The following SYBU variants were observed in gnomAD, a reference collection of about 807,000 sequenced individuals.
The protein encoded by SYBU is syntabulin, also known as GOLSYN A protein.
A neutral mutation model predicts 35.9 loss-of-function variants in SYBU; 21 were observed. The ratio of observed to expected loss-of-function variants is 0.58; its 90% CI spans 0.41 to 0.84. SYBU has a LOEUF of 0.84. SYBU is among the 40% of genes least tolerant of loss of function. The pLI is 0.00. For synonymous variants in SYBU, 319 were observed against 324.3 expected, an observed-to-expected ratio of 0.98 and a Z score of 0.18; for missense variants, 768 against 848.2, an observed-to-expected ratio of 0.91 and a Z score of 1.17.
intron 3 of SYBU, among the ~76,000 whole-genome samples, chr8:109,616,679 C>T (rs1811828466): frequency 6.7e-6 from 1 of 150,138 alleles, no homozygotes; most frequent in Non-Finnish European, 1.5e-5. Flanking sequence ...CCTACAATAG[C>T]TTCATGATGA....
At chr8:109,659,734 A>C (rs539442108) in intron 1 of SYBU, among the ~76,000 whole-genome samples, 1 of 152,162 alleles carries the variant, frequency 6.6e-6, no homozygotes, top group South Asian at 2.1e-4. Flanking sequence ...TTTCCCCCCA[A>C]ATCTTATAGG....
At chr8:109,635,164 G>C (rs1300736597) in intron 2 of SYBU, among the ~76,000 whole-genome samples, 2 of 152,176 alleles carry the variant, frequency 1.3e-5, no homozygotes, top group Non-Finnish European at 2.9e-5. Flanking sequence ...CCACCAATTT[G>C]CTGCAATTGT....
At chr8:109,640,323 T>C (rs1490994687) in intron 2 of SYBU, among the ~76,000 whole-genome samples, 1 of 152,196 alleles carries the variant, frequency 6.6e-6, no homozygotes, top group African/African-American at 2.4e-5. Flanking sequence ...TTTGCCTTCA[T>C]ATATTCTAAA....
intron 2 of SYBU, 96 bp from the exon 3 acceptor site, chr8:109,619,135 C>A: frequency 1.2e-6 from 1 of 850,100 alleles, no homozygotes; most frequent in Non-Finnish European, 1.9e-6. Context: ...CACGTGCACT[C>A]GCACACGTAC....
At chr8:109,595,947 T>G (rs1217416667) in intron 3 of SYBU, among the ~76,000 whole-genome samples, 1 of 152,220 alleles carries the variant, frequency 6.6e-6, no homozygotes, top group Non-Finnish European at 1.5e-5. Context: ...GCAAACATAT[T>G]ACCTTACTCA....
At chr8:109,618,271 A>T (rs1003299386) in intron 3 of SYBU, among the ~76,000 whole-genome samples, 4 of 152,220 alleles carry the variant, frequency 2.6e-5, no homozygotes, top group Non-Finnish European at 5.9e-5. Context: ...CTGGCATTTC[A>T]TTCACTGCAG....
At chr8:109,654,726 A>T (rs980537954) in intron 1 of SYBU, among the ~76,000 whole-genome samples, 6 of 152,198 alleles carry the variant, frequency 3.9e-5, no homozygotes, top group Non-Finnish European at 8.8e-5. Flanking sequence ...AATTCATCAT[A>T]CTTCCTCTAA....
chr8:109,582,166 G>A (rs561522736), intron 4 of SYBU, among the ~76,000 whole-genome samples: 3 of 152,300 alleles, frequency 2.0e-5, no homozygotes, highest in East Asian at 1.9e-4. Flanking sequence ...ATTTTATTAC[G>A]AGTTAACTTC....
chr8:109,642,669 A>C, intron 2 of SYBU, 59 bp downstream of exon 2: 1 of 1,250,136 alleles, frequency 8.0e-7, no homozygotes, highest in East Asian at 2.5e-5. Flanking sequence ...GGGCCCATTC[A>C]CAATGCACCT....
chr8:109,608,069 T>A, intron 3 of SYBU: 1 of 917,028 alleles, frequency 1.1e-6, no homozygotes, highest in Non-Finnish European at 1.6e-6. Flanking sequence ...GACTGAGCCT[T>A]CTGCATGTGC....
At chr8:109,645,025 A>C, upstream of SYBU, 2 of 469,766 alleles carry the variant, frequency 4.3e-6, no homozygotes. Flanking sequence ...CTCCCTCTCC[A>C]AGGAGCTCGG....
chr8:109,661,446 C>G (rs1336399660), intron 1 of SYBU, among the ~76,000 whole-genome samples: 1 of 152,092 alleles, frequency 6.6e-6, no homozygotes, highest in Non-Finnish European at 1.5e-5. Flanking sequence ...ATGAGAGATC[C>G]CTTATGCAGG....
chr8:109,607,887 C>G (rs1826237136), intron 3 of SYBU: 3 of 1,226,330 alleles, frequency 2.4e-6, no homozygotes, highest in Non-Finnish European at 3.4e-6. Flanking sequence ...TAATTATTTA[C>G]TTACTGTGAC....
chr8:109,602,918 C>T lies in SYBU; in HGVS notation c.427+15924G>A, dbSNP rs142335999. Among the ~76,000 whole-genome samples the T allele has an allele frequency of 5.5e-3, 831 of 152,266 alleles. 28 individuals are homozygous for T. The highest frequency in any genetic ancestry group is 0.047 in the Admixed American group (715 of 15,292). ...GGAACTCAAATGAGAAAGGGAGAAA[C>T]AGAATAATGAAGTCACAAGAAAATA... On this transcript the variant is annotated intron_variant, in intron 3 of 6. Coordinates refer to ENST00000276646, the MANE Select transcript of SYBU (RefSeq NM_001099754.2).
chr8:109,676,970 G>A (rs986656349), intron 1 of SYBU, among the ~76,000 whole-genome samples: 4 of 151,780 alleles, frequency 2.6e-5, no homozygotes, highest in Non-Finnish European at 5.9e-5. Flanking sequence ...TCTCTCACTC[G>A]CTCTTTGTCT....
Position 109,644,673 on chromosome 8 carries a change from G to T in SYBU, c.-14C>A. On this transcript the variant is annotated 5_prime_UTR_variant, in exon 1 of 7. Transcript: ENST00000276646. ...GAGGGGCCCCATCGCGCCGCTGCCC[G>T]CCGGCTCCTCGCGCCGCCGCTGCCG... 4.6e-6 allele frequency: 7 copies of T among 1,514,754 alleles called. No homozygotes were observed. Among genetic ancestry groups the T allele is most frequent in the Non-Finnish European group, 6.1e-6 (7 of 1,138,718 alleles). 93.8% of individuals were successfully genotyped at this position (1,514,754 alleles called of 1,614,324 possible). A position where few individuals can be genotyped will look rare whatever the true frequency, so the allele number is the denominator to read the frequency against.
chr8:109,592,821 A>C (rs1824435716), intron 3 of SYBU, among the ~76,000 whole-genome samples: 1 of 152,192 alleles, frequency 6.6e-6, no homozygotes, highest in South Asian at 2.1e-4. Flanking sequence ...GTATACACAC[A>C]CATTTTAAAA....
At chr8:109,597,845 CA>C in intron 3 of SYBU, among the ~76,000 whole-genome samples, 1 of 152,282 alleles carries the variant, frequency 6.6e-6, no homozygotes, top group East Asian at 1.9e-4. Context: ...CTTGTCACTT[CA>C]AAATGTCTTT....
rs1440255470 is a variant in SYBU, at chr8:109,607,894, T to C, written c.427+10948A>G. ...ATCCAATATAATTATTTACTTACTG[T>C]GACTAATACTACTTACTTAGAAGGT... On this transcript the variant is annotated intron_variant, in intron 3 of 6. Coordinates refer to ENST00000276646, the MANE Select transcript of SYBU (RefSeq NM_001099754.2). 2 of 1,357,272 alleles carry C rather than the reference T, an allele frequency of 1.5e-6. 1 individual carries two copies. Among genetic ancestry groups the C allele is most frequent in the South Asian group, 2.5e-5 (2 of 80,360 alleles). 84.1% of individuals were successfully genotyped at this position (1,357,272 alleles called of 1,614,324 possible).
Sources: gnomAD v4.1 joint callset for allele counts (sites outside exome capture counted in the v4.1 genomes callset) on GRCh38, gnomAD v4.1.1 for gene constraint, MANE v1.5 for transcripts, NCBI Gene and HGNC (gene_info 2026-07-23, HGNC 2026-07-21) for gene names.